Variants in SYT1 observed in about 807,000 individuals in gnomAD.
The protein encoded by SYT1 is synaptotagmin-1.
A neutral mutation model predicts 44.8 loss-of-function variants in SYT1; 8 were observed. The ratio of observed to expected loss-of-function variants is 0.18; its 90% CI spans 0.10 to 0.32. The LOEUF (loss-of-function observed/expected upper bound fraction) is 0.32. Ranked by LOEUF, SYT1 falls within the 10% of genes least tolerant of loss-of-function variation. The pLI is 1.00. For synonymous variants in SYT1, 154 were observed against 188.8 expected, an observed-to-expected ratio of 0.82 and a Z score of 1.51; for missense variants, 286 against 509.3, an observed-to-expected ratio of 0.56 and a Z score of 4.22.
chr12:79,202,745 A>T (rs1873862707), intron 3 of SYT1, among the ~76,000 whole-genome samples: 1 of 152,184 alleles, frequency 6.6e-6, no homozygotes, highest in Non-Finnish European at 1.5e-5. Context: ...TGGACACACT[A>T]AAAGGTAGAA....
At chr12:79,100,806 C>A (rs991082231) in intron 3 of SYT1, among the ~76,000 whole-genome samples, 4 of 152,074 alleles carry the variant, frequency 2.6e-5, no homozygotes, top group African/African-American at 9.6e-5. Context: ...TACTTAGCTA[C>A]CTTTAGAACA....
chr12:79,216,230 C>A (rs944645452), intron 3 of SYT1, among the ~76,000 whole-genome samples: 1 of 152,090 alleles, frequency 6.6e-6, no homozygotes, highest in African/African-American at 2.4e-5. Context: ...CACGCCCAGA[C>A]TAAATTTCAT....
At chr12:79,122,184 A>G (rs1868277071) in intron 3 of SYT1, among the ~76,000 whole-genome samples, 1 of 152,224 alleles carries the variant, frequency 6.6e-6, no homozygotes, top group East Asian at 1.9e-4. Context: ...AGACTGTAGA[A>G]AAATATGAAA....
At chr12:79,073,073 A>G (rs757916730) in intron 3 of SYT1, among the ~76,000 whole-genome samples, 9 of 152,248 alleles carry the variant, frequency 5.9e-5, no homozygotes, top group Admixed American at 3.3e-4. Context: ...AATATTTTTC[A>G]TATGTCTGAT....
intron 9 of SYT1, among the ~76,000 whole-genome samples, chr12:79,402,153 A>G (rs1299804279): frequency 6.6e-6 from 1 of 151,990 alleles, no homozygotes; most frequent in Non-Finnish European, 1.5e-5. Flanking sequence ...GTCAGTCTAC[A>G]CTCCACCCAT....
intron 4 of SYT1, among the ~76,000 whole-genome samples, chr12:79,263,098 A>T (rs985341669): frequency 6.6e-6 from 1 of 152,132 alleles, no homozygotes; most frequent in Non-Finnish European, 1.5e-5. Context: ...TTTGTCTCCA[A>T]TGCGTGATAG....
chr12:78,869,292 A>G (rs2137031987), intron 1 of SYT1, among the ~76,000 whole-genome samples: 1 of 152,066 alleles, frequency 6.6e-6, no homozygotes, highest in South Asian at 2.1e-4. Flanking sequence ...TATGGACTGT[A>G]AGATAAACTG....
intron 4 of SYT1, among the ~76,000 whole-genome samples, chr12:79,261,814 A>T (rs1877845244): frequency 6.6e-6 from 1 of 152,128 alleles, no homozygotes; most frequent in Admixed American, 6.5e-5. Flanking sequence ...GAAGAAAATG[A>T]CTCACTGAGT....
intron 3 of SYT1, among the ~76,000 whole-genome samples, chr12:79,071,890 A>G (rs1876305088): frequency 6.6e-6 from 1 of 152,164 alleles, no homozygotes; most frequent in African/African-American, 2.4e-5. Context: ...ATATTCATAG[A>G]TACCGGGGAT....
intron 3 of SYT1, among the ~76,000 whole-genome samples, chr12:79,072,744 G>A (rs1002412616): frequency 6.6e-6 from 1 of 152,068 alleles, no homozygotes; most frequent in African/African-American, 2.4e-5. Context: ...TTAAGGATGG[G>A]ATGGATATTC....
At chr12:79,217,018 T>C (rs1874848936) in intron 3 of SYT1, among the ~76,000 whole-genome samples, 1 of 152,194 alleles carries the variant, frequency 6.6e-6, no homozygotes, top group Admixed American at 6.5e-5. Flanking sequence ...ATGAATAATA[T>C]TACTTATAAC....
rs565366802 is a variant in SYT1, at chr12:79,032,516, T to C, written c.-83-14781T>C. ...GACATAAGAATACAACTCACAAAAA[T>C]ACTGTGATTTGTATTCAGCTAGAAG... On this transcript the variant is annotated intron_variant, in intron 2 of 10. Coordinates refer to ENST00000261205, the MANE Select transcript of SYT1 (RefSeq NM_005639.3). Among the ~76,000 whole-genome samples, 5 of 151,390 alleles carry C rather than the reference T, an allele frequency of 3.3e-5. No individual in the cohort carries two copies. In the Admixed American group the frequency reaches 3.3e-4, roughly 10 times the overall value.
intron 2 of SYT1, among the ~76,000 whole-genome samples, chr12:78,985,284 C>A (rs1209662352): frequency 6.6e-6 from 1 of 151,668 alleles, no homozygotes; most frequent in Non-Finnish European, 1.5e-5. Context: ...GTATAATAAA[C>A]CTAAATTTCT....
intron 1 of SYT1, among the ~76,000 whole-genome samples, chr12:78,925,640 A>G (rs1877261888): frequency 6.6e-6 from 1 of 151,984 alleles, no homozygotes; most frequent in Admixed American, 6.6e-5. Flanking sequence ...CTTTCTTCAT[A>G]GAGCAGTTTT....
At chr12:79,245,293 C>T (rs1206088945) in intron 4 of SYT1, among the ~76,000 whole-genome samples, 3 of 104,938 alleles carry the variant, frequency 2.9e-5, no homozygotes, top group Non-Finnish European at 5.4e-5. Context: ...CGGTGAAACC[C>T]CGTCTCTACA....
At chr12:78,940,387 C>T (rs1878283986) in intron 1 of SYT1, among the ~76,000 whole-genome samples, 1 of 151,222 alleles carries the variant, frequency 6.6e-6, no homozygotes, top group Admixed American at 6.6e-5. Context: ...TCCATTAACT[C>T]ATTTCTTTAA....
intron 1 of SYT1, among the ~76,000 whole-genome samples, chr12:78,966,477 T>A (rs1879780968): frequency 6.6e-6 from 1 of 152,186 alleles, no homozygotes; most frequent in Admixed American, 6.5e-5. Flanking sequence ...CTAATTCTAA[T>A]GACTTAAATC....
intron 9 of SYT1, among the ~76,000 whole-genome samples, chr12:79,368,674 T>C (rs1883656763): frequency 2.0e-5 from 3 of 151,610 alleles, no homozygotes; most frequent in African/African-American, 4.9e-5. Context: ...TTTCATGTGT[T>C]TTTTGGCTGC....
At chr12:79,202,356 T>C (rs1467900959) in intron 3 of SYT1, among the ~76,000 whole-genome samples, 1 of 152,176 alleles carries the variant, frequency 6.6e-6, no homozygotes, top group African/African-American at 2.4e-5. Flanking sequence ...TGGTATTTTA[T>C]AGGAAATCTG....
Sources: allele counts gnomAD v4.1 joint callset (sites outside exome capture counted in the v4.1 genomes callset), GRCh38; gene constraint gnomAD v4.1.1; transcripts MANE v1.5; gene names NCBI Gene and HGNC (gene_info 2026-07-23, HGNC 2026-07-21).